EMID1: variants seen among roughly 807,000 people sequenced by gnomAD.
EMID1 encodes EMI domain-containing protein 1.
Under a neutral mutation model 60.6 loss-of-function variants are expected in EMID1, and 40 were observed. The observed-to-expected ratio is 0.66, with a 90% CI of 0.51 to 0.86. The LOEUF (loss-of-function observed/expected upper bound fraction) is 0.86, where lower values mean the gene tolerates loss of function less well. EMID1 is among the 40% of genes least tolerant of loss of function. EMID1 has a pLI of 0.00. For missense variants in EMID1, 585 were observed against 597.1 expected, an observed-to-expected ratio of 0.98 and a Z score of 0.21; for synonymous variants, 242 against 231.0, an observed-to-expected ratio of 1.05 and a Z score of -0.43.
Position 29,206,115 on chromosome 22 carries a change from G to T in EMID1, c.77G>T (p.Gly26Val), listed in dbSNP as rs1054063645. 25 of 1,230,700 alleles carry T rather than the reference G, an allele frequency of 2.0e-5. No individual in the cohort carries two copies. In the South Asian group the frequency reaches 6.6e-4, roughly 32 times the overall value. The allele number at this position is 1,230,700 out of a possible 1,614,324, so 76.2% of individuals were successfully genotyped here. A position where few individuals can be genotyped will look rare whatever the true frequency, so the allele number is the denominator to read the frequency against. Residue 26 changes from glycine to valine, a missense_variant, in exon 1 of 15, where the codon GGG (glycine) becomes GTG (valine). Gly to Val is a moderately radical substitution (Grantham distance 109). Coordinates refer to ENST00000334018, the MANE Select transcript of EMID1 (RefSeq NM_133455.4). ...LPGGGAAWSIGAAPFSGRRNW... is the reference protein window; with the variant it reads ...LPGGGAAWSIVAAPFSGRRNW... ...GGAGGCGGCGCTGCGTGGAGCATCG[G>T]GGCAGCTCCGTTCTCCGGACGCAGG...
intron 3 of EMID1, among the ~76,000 whole-genome samples, chr22:29,217,577 G>A (rs2040134845): frequency 6.6e-6 from 1 of 152,242 alleles, no homozygotes; most frequent in African/African-American, 2.4e-5. Context: ...GCACCAAGCT[G>A]CTGTGTGTGC....
chr22:29,254,752 C>T (rs909796), intron 14 of EMID1: 65,250 of 180,688 alleles, frequency 0.36, 14,403 homozygotes, highest in Middle Eastern at 0.53. Flanking sequence ...CAGCCTTCAG[C>T]TCTAGAGAAA....
intron 4 of EMID1, among the ~76,000 whole-genome samples, chr22:29,226,264 G>A (rs747752578): frequency 7.9e-5 from 12 of 152,208 alleles, no homozygotes; most frequent in Non-Finnish European, 1.6e-4. Context: ...TCCTGCTGCC[G>A]GAGAAGCAGG....
chr22:29,245,346 G>A (rs1432851020), intron 13 of EMID1, among the ~76,000 whole-genome samples: 1 of 152,194 alleles, frequency 6.6e-6, no homozygotes, highest in Non-Finnish European at 1.5e-5. Flanking sequence ...AGTCCAGGAG[G>A]GGTGGGAGAG....
chr22:29,241,491 C>A (rs1369416060), intron 12 of EMID1, among the ~76,000 whole-genome samples: 1 of 152,028 alleles, frequency 6.6e-6, no homozygotes, highest in East Asian at 1.9e-4. Flanking sequence ...CGGGTTCAAG[C>A]GATTCTCCTG....
chr22:29,226,697 A>G, intron 5 of EMID1, 146 bp downstream of exon 5: 1 of 741,324 alleles, frequency 1.3e-6, no homozygotes, highest in Non-Finnish European at 2.0e-6. Context: ...TGACTCGGCG[A>G]GCAGCATCCC....
Position 29,233,450 on chromosome 22 carries a change from G to C in EMID1, c.895G>C (p.Gly299Arg). The C allele has an allele frequency of 6.2e-7, 1 of 1,614,224 alleles. No homozygotes were observed. The highest frequency in any genetic ancestry group is 8.5e-7 in the Non-Finnish European group (1 of 1,180,020). ...GCCCCAGGGACCCACTGGGCCTCCA[G>C]GCCCTCCAGGGCCCATGGGTAAGTT... ...HWPQGPTGPP[G>R]PPGPMGPPGP... Residue 299 changes from glycine to arginine, a missense_variant, in exon 9 of 15, where the codon GGC becomes CGC. Coordinates refer to ENST00000334018, the MANE Select transcript of EMID1 (RefSeq NM_133455.4).
chr22:29,222,879 C>A (rs1050575228), intron 3 of EMID1, among the ~76,000 whole-genome samples: 19 of 152,076 alleles, frequency 1.2e-4, no homozygotes, highest in Admixed American at 1.2e-3. Context: ...ATCACGAGGT[C>A]GGGAGATGGA....
At chr22:29,241,520 C>T (rs1840438126) in intron 12 of EMID1, among the ~76,000 whole-genome samples, 1 of 152,036 alleles carries the variant, frequency 6.6e-6, no homozygotes, top group South Asian at 2.1e-4. Flanking sequence ...TCCAGAGTAG[C>T]TGGGATTACA....
rs538685235 is a variant in EMID1 at position 29,258,738 on chromosome 22, C to G, written c.1205-79C>G. On this transcript the variant is annotated intron_variant, in intron 14 of 14. Transcript: ENST00000334018. ...TGGCAGAGCGTGCCCGGTTCTGCCA[C>G]CCCCTAGAGGGCCAAGGGGAGGTGG... 2.0e-5 allele frequency: 31 copies of G among 1,551,474 alleles called. No homozygotes were observed. In the South Asian group the frequency reaches 3.2e-4, roughly 16 times the overall value.
chr22:29,213,823 C>T (rs1039651140), intron 1 of EMID1, among the ~76,000 whole-genome samples: 17 of 152,228 alleles, frequency 1.1e-4, no homozygotes, highest in Admixed American at 8.5e-4. Context: ...AGCCACAGAC[C>T]GTGGCTCAAG....
intron 5 of EMID1, among the ~76,000 whole-genome samples, chr22:29,230,190 A>G (rs1352108621): frequency 1.3e-5 from 2 of 152,054 alleles, no homozygotes; most frequent in East Asian, 1.9e-4. Context: ...AAAATTAGCT[A>G]GGTGTGGTGG....
At chr22:29,235,104 T>C (rs1270134620) in intron 12 of EMID1, among the ~76,000 whole-genome samples, 1 of 152,208 alleles carries the variant, frequency 6.6e-6, no homozygotes, top group South Asian at 2.1e-4. Flanking sequence ...TCCTAGCACT[T>C]TGGGGGGCTG....
intron 12 of EMID1, among the ~76,000 whole-genome samples, chr22:29,240,184 T>C (rs1238817104): frequency 6.6e-6 from 1 of 152,154 alleles, no homozygotes; most frequent in Non-Finnish European, 1.5e-5. Flanking sequence ...GTTGTTGTTT[T>C]GTTTTGTTTT....
intron 14 of EMID1, 88 bp downstream of exon 14, chr22:29,254,375 CCA>C: frequency 7.6e-7 from 1 of 1,312,146 alleles, no homozygotes; most frequent in Middle Eastern, 1.8e-4. Flanking sequence ...TGGCCTGAGC[CCA>C]GTCATGAGGC....
chr22:29,214,031 A>T (rs1284960122), intron 1 of EMID1, among the ~76,000 whole-genome samples: 1 of 152,358 alleles, frequency 6.6e-6, no homozygotes, highest in East Asian at 1.9e-4. Flanking sequence ...AGGATAGTGT[A>T]AATACCTTTA....
intron 13 of EMID1, among the ~76,000 whole-genome samples, chr22:29,250,883 C>T (rs930824291): frequency 3.3e-5 from 5 of 150,070 alleles, no homozygotes; most frequent in African/African-American, 9.8e-5. Flanking sequence ...GTGTGAGCCA[C>T]TGTGCTCAGC....
chr22:29,251,248 A>G (rs1249678977), intron 13 of EMID1, among the ~76,000 whole-genome samples: 1 of 150,978 alleles, frequency 6.6e-6, no homozygotes, highest in East Asian at 2.0e-4. Context: ...TGCCTGGCTA[A>G]TTTTTGTATT....
intron 1 of EMID1, among the ~76,000 whole-genome samples, chr22:29,208,121 A>G (rs1466965394): frequency 6.6e-6 from 1 of 152,126 alleles, no homozygotes; most frequent in Non-Finnish European, 1.5e-5. Context: ...CTGGAGCTTG[A>G]GGAGTCTGTG....
Sources: allele counts gnomAD v4.1 joint callset (sites outside exome capture counted in the v4.1 genomes callset), GRCh38; gene constraint gnomAD v4.1.1; transcripts MANE v1.5; gene names NCBI Gene and HGNC (gene_info 2026-07-23, HGNC 2026-07-21).